LRRC2: variants seen among roughly 807,000 people sequenced by gnomAD.
LRRC2 encodes leucine-rich repeat-containing protein 2.
Under a neutral mutation model 40.2 loss-of-function variants are expected in LRRC2, and 27 were observed. The observed-to-expected ratio is 0.67, with a 90% CI of 0.49 to 0.93. LRRC2 has a LOEUF of 0.93. Among genes scored for constraint, LRRC2 ranks in the 40% least tolerant of loss-of-function variants. The probability of loss-of-function intolerance (pLI) is 0.00; values close to 1 mark genes in which losing one functional copy is unlikely to be tolerated. For missense variants in LRRC2, 402 were observed against 439.6 expected (o/e 0.91, Z 0.76); for synonymous variants, 147 against 158.9 (o/e 0.92, Z 0.56).
chr3:46,560,735 C>T (rs1704919680), intron 1 of LRRC2, among the ~76,000 whole-genome samples: 1 of 152,130 alleles, frequency 6.6e-6, no homozygotes, highest in Admixed American at 6.5e-5. Flanking sequence ...GAACAAGCCT[C>T]CCTCAATTTG....
At chr3:46,544,314 T>A (rs890116802) in intron 3 of LRRC2, among the ~76,000 whole-genome samples, 1 of 151,940 alleles carries the variant, frequency 6.6e-6, no homozygotes, top group African/African-American at 2.4e-5. Context: ...AGGTCAGGAG[T>A]TCGAGACCAA....
At chr3:46,523,810 C>T (rs1447428824) in intron 7 of LRRC2, among the ~76,000 whole-genome samples, 1 of 152,038 alleles carries the variant, frequency 6.6e-6, no homozygotes, top group Non-Finnish European at 1.5e-5. Context: ...CATCTGTCCA[C>T]CCATCTATCC....
chr3:46,556,264 G>T (rs543009124), intron 1 of LRRC2, among the ~76,000 whole-genome samples: 1 of 151,858 alleles, frequency 6.6e-6, no homozygotes, highest in African/African-American at 2.4e-5. Context: ...GAAACACAGG[G>T]ATGCACCACC....
intron 4 of LRRC2, among the ~76,000 whole-genome samples, chr3:46,538,622 G>T (rs565361975): frequency 6.6e-6 from 1 of 151,940 alleles, no homozygotes; most frequent in East Asian, 1.9e-4. Flanking sequence ...CAACAAGAGC[G>T]AAACTCCGTC....
intron 4 of LRRC2, 132 bp downstream of exon 4, chr3:46,538,913 A>G (rs1055781197): frequency 3.4e-5 from 33 of 961,098 alleles, no homozygotes; most frequent in Non-Finnish European, 4.6e-5. Flanking sequence ...GGGAGCCTCC[A>G]AACGGCCCTG....
In LRRC2 at chr3:46,534,419, CCTTCCTTTCTTT is replaced by C. The variant is rs1480401119; in HGVS notation, c.491-1522_491-1511del. ...TTCTTTCTTTTCTTTTCTTTTCCTT[CCTTCCTTTCTTT>C]CTTTCTTTCTTTCTTTCTTTCTTTC... On this transcript the variant is annotated intron_variant, in intron 4 of 8. Transcript: ENST00000395905. Among the ~76,000 whole-genome samples the C allele has an allele frequency of 8.2e-3, 914 of 111,104 alleles. 9 individuals carry two copies. Among genetic ancestry groups the C allele is most frequent in the African/African-American group, 0.018 (581 of 32,702 alleles). The allele number at this position is 111,104 out of a possible 152,430, so 72.9% of individuals were successfully genotyped here.
chr3:46,530,884 T>C (rs939124770), intron 5 of LRRC2, among the ~76,000 whole-genome samples: 1 of 152,170 alleles, frequency 6.6e-6, no homozygotes, highest in Non-Finnish European at 1.5e-5. Context: ...AGCCAAACCA[T>C]ATCACCATAT....
intron 1 of LRRC2, among the ~76,000 whole-genome samples, 166 bp from the exon 2 acceptor site, chr3:46,551,776 G>A (rs1274032296): frequency 3.0e-5 from 1 of 32,962 alleles, no homozygotes; most frequent in African/African-American, 1.4e-4. Context: ...TTTTTTTTTA[G>A]CTTGTTTGGC....
chr3:46,532,769 T>C lies in LRRC2; in HGVS notation c.627+4A>G. The C allele has an allele frequency of 1.2e-6, 2 of 1,612,376 alleles. No individual in the cohort carries two copies. The highest frequency in any genetic ancestry group is 1.7e-6 in the Non-Finnish European group (2 of 1,179,394). On this transcript the variant is annotated splice_donor_region_variant and intron_variant, in intron 5 of 8. Coordinates refer to ENST00000395905, the MANE Select transcript of LRRC2 (RefSeq NM_024512.5). ...ATCGTAGTACAGAAATGTTTATCTC[T>C]TACTTCAAAGGGCAGCTCCATTAAT...
chr3:46,540,844 G>C (rs997853793), intron 3 of LRRC2, among the ~76,000 whole-genome samples: 11 of 152,136 alleles, frequency 7.2e-5, no homozygotes, highest in African/African-American at 2.4e-4. Flanking sequence ...ACACCAGAGG[G>C]TTGCCTCCTG....
intron 2 of LRRC2, among the ~76,000 whole-genome samples, chr3:46,545,641 T>G (rs1020118283): frequency 3.3e-5 from 5 of 152,218 alleles, no homozygotes; most frequent in African/African-American, 9.6e-5. Flanking sequence ...GACTTTGGAA[T>G]GTCACCATCA....
chr3:46,541,359 G>T lies in LRRC2; in HGVS notation c.334-2158C>A, dbSNP rs140285805. 6.8e-3 allele frequency among the ~76,000 whole-genome samples: 1,011 copies of T among 149,710 alleles called. 5 individuals are homozygous for T. Among genetic ancestry groups the T allele is most frequent in the Non-Finnish European group, 0.011 (710 of 67,386 alleles). ...AAAAAAAAAAAAAAAGAAAAGAAAAGAAAAATATTAGGATATCAAATGAAA... is the reference window on the plus strand; with the variant it reads ...AAAAAAAAAAAAAAAGAAAAGAAAATAAAAATATTAGGATATCAAATGAAA... On this transcript the variant is annotated intron_variant, in intron 3 of 8. Transcript: ENST00000395905.
Position 46,521,631 on chromosome 3 carries a change from A to G in LRRC2, c.957T>C (p.Ile319=), listed in dbSNP as rs1703966074. The change falls in exon 8 of 9, where the codon ATT becomes ATC. Residue 319 remains isoleucine, a synonymous_variant. Transcript: ENST00000395905. ...LKFVSLMDNP[I]DNAQCEDGNE... is the part of the protein sequence containing the mutation. Reference sequence around the variant, plus strand: ...TGCCATCTTCACATTGGGCATTATCAATAGGATTGTCCATAAGGCTTACAA... The same window carrying G: ...TGCCATCTTCACATTGGGCATTATCGATAGGATTGTCCATAAGGCTTACAA... The G allele has an allele frequency of 6.2e-7, 1 of 1,612,670 alleles. No homozygotes were observed. Among genetic ancestry groups the G allele is most frequent in the Admixed American group, 1.7e-5 (1 of 59,962 alleles).
intron 2 of LRRC2, among the ~76,000 whole-genome samples, chr3:46,550,333 A>AAGGTGGAG (rs1334399033): frequency 1.3e-5 from 2 of 151,546 alleles, no homozygotes; most frequent in Non-Finnish European, 2.9e-5. Flanking sequence ...AAAGCTAATG[A>AAGGTGGAG]AGGTGGAGAA....
rs764731132 is a variant in LRRC2, at chr3:46,529,994, A to G, written c.684T>C (p.Ser228=). The change falls in exon 6 of 9, where the codon AGT becomes AGC. Residue 228 remains serine, a synonymous_variant. Transcript: ENST00000395905. ...FVDISANKFS[S]VPICVLRMSN... ...ACATCCGCAGGACACAGATTGGGAC[A>G]CTGGAAAACTTGTTTGCTGAGATAT... The G allele has an allele frequency of 6.2e-7, 1 of 1,614,072 alleles. No homozygotes were observed. Among genetic ancestry groups the G allele is most frequent in the Non-Finnish European group, 8.5e-7 (1 of 1,179,948 alleles).
At chr3:46,541,281 C>G (rs1198446322) in intron 3 of LRRC2, among the ~76,000 whole-genome samples, 2 of 144,642 alleles carry the variant, frequency 1.4e-5, no homozygotes, top group Non-Finnish European at 3.0e-5. Flanking sequence ...TGAAGTGAGC[C>G]GAGAATATGC....
At chr3:46,556,608 T>G (rs1431687009) in intron 1 of LRRC2, among the ~76,000 whole-genome samples, 1 of 140,450 alleles carries the variant, frequency 7.1e-6, no homozygotes, top group Non-Finnish European at 1.5e-5. Context: ...AGACAGAGTC[T>G]CGCTCTGTCG....
intron 1 of LRRC2, among the ~76,000 whole-genome samples, chr3:46,553,478 T>C (rs889983061): frequency 1.3e-5 from 2 of 152,168 alleles, no homozygotes; most frequent in Non-Finnish European, 2.9e-5. Flanking sequence ...AGACAGGGTA[T>C]TACCTGTTCC....
intron 7 of LRRC2, among the ~76,000 whole-genome samples, chr3:46,524,922 G>C (rs1704029321): frequency 6.6e-6 from 1 of 152,066 alleles, no homozygotes; most frequent in Non-Finnish European, 1.5e-5. Context: ...ACCATATGAA[G>C]TCATTCATAC....
Sources: allele counts gnomAD v4.1 joint callset (sites outside exome capture counted in the v4.1 genomes callset), GRCh38; gene constraint gnomAD v4.1.1; transcripts MANE v1.5; gene names NCBI Gene and HGNC (gene_info 2026-07-23, HGNC 2026-07-21).